CYP2A6: variants seen among roughly 807,000 people sequenced by gnomAD.
The protein encoded by CYP2A6 is cytochrome P450 family 2 subfamily A member 6.
A neutral mutation model predicts 42.3 loss-of-function variants in CYP2A6; 27 were observed. The observed-to-expected ratio is 0.64, with a 90% confidence interval of 0.47 to 0.88. The LOEUF (loss-of-function observed/expected upper bound fraction) is 0.88, where lower values mean the gene tolerates loss of function less well. Ranked by LOEUF, CYP2A6 falls within the 40% of genes least tolerant of loss-of-function variation. CYP2A6 has a pLI of 0.00. For synonymous variants in CYP2A6, 238 were observed against 246.3 expected, an observed-to-expected ratio of 0.97 and a Z score of 0.31; for missense variants, 628 against 646.0, an observed-to-expected ratio of 0.97 and a Z score of 0.30.
rs768731211 is a variant in CYP2A6 at position 40,848,631 on chromosome 19, GC to G, written c.475del (p.Ala159ProfsTer16). The G allele has an allele frequency of 6.2e-7, 1 of 1,611,592 alleles. No homozygotes were observed. The highest frequency in any genetic ancestry group is 1.3e-5 in the African/African-American group (1 of 74,686). ...CTGCTCACCGCCAGTGCCCCGGAGG[GC>G]GTCGATGAGGAAGCCCGCCTCCTCC... Reference protein sequence around the residue: ...IQEEAGFLIDALRGTGGANID... With the variant: ...IQEEAGFLIDXLRGTGGANID... On this transcript the variant is annotated frameshift_variant, in exon 3 of 9. Transcript: ENST00000301141. LOFTEE classifies it high-confidence loss of function.
At chr19:40,848,987 GGAGAGAGA>G (rs1265457431) in intron 2 of CYP2A6, among the ~76,000 whole-genome samples, 1 of 90,044 alleles carries the variant, frequency 1.1e-5, no homozygotes, top group African/African-American at 5.3e-5. Context: ...AAGAGAGAGA[GGAGAGAGA>G]GAGAGAGAGA....
At position 40,848,434 on chromosome 19, in the gene CYP2A6, G is replaced by A. The variant is rs1286644003; in HGVS notation, c.494-55C>T. 12 of 1,606,218 alleles carry A rather than the reference G, an allele frequency of 7.5e-6. No homozygotes were observed. In the African/African-American group the frequency reaches 1.6e-4, roughly 22 times the overall value. ...GGAGAGAGTCAACTCAGAGGTCTGAGGAGAGTCAGAATTCCAGGAGGCAGG... is the reference window on the plus strand; with the variant it reads ...GGAGAGAGTCAACTCAGAGGTCTGAAGAGAGTCAGAATTCCAGGAGGCAGG... On this transcript the variant is annotated intron_variant, in intron 3 of 8. Coordinates refer to ENST00000301141, the MANE Select transcript of CYP2A6 (RefSeq NM_000762.6).
Position 40,846,803 on chromosome 19 carries a change from GC to G in CYP2A6, c.831+71del. 1.2e-5 allele frequency: 19 copies of G among 1,576,078 alleles called. No individual in the cohort carries two copies. In the South Asian group the frequency reaches 2.1e-4, roughly 17 times the overall value. ...TAATTTGAATGGGCCTGTGTCATCT[GC>G]CTGCCCCACTCCCAGACTGATTTCC... On this transcript the variant is annotated intron_variant, in intron 5 of 8. Transcript: ENST00000301141.
intron 6 of CYP2A6, 107 bp from the exon 7 acceptor site, chr19:40,845,588 G>C: frequency 2.6e-6 from 4 of 1,509,810 alleles, no homozygotes; most frequent in Non-Finnish European, 3.6e-6. Flanking sequence ...CCTATGAGAC[G>C]GAAGTAGAGC....
At chr19:40,845,271 T>TGGG in intron 7 of CYP2A6, 23 bp downstream of exon 7, 1 of 1,609,492 alleles carries the variant, frequency 6.2e-7, no homozygotes, top group South Asian at 1.1e-5. Flanking sequence ...CCCCGTAGTC[T>TGGG]GGGGGGTGGG....
At position 40,849,840 on chromosome 19, in the gene CYP2A6, G is replaced by T. The variant is rs764536563; in HGVS notation, c.321C>A (p.Phe107Leu). The T allele has an allele frequency of 7.4e-6, 12 of 1,611,000 alleles. No homozygotes were observed. Among genetic ancestry groups the T allele is most frequent in the Non-Finnish European group, 1.0e-5 (12 of 1,179,742 alleles). The change falls in exon 2 of 9, where the codon TTC (phenylalanine) becomes TTA (leucine). Residue 107 changes from phenylalanine to leucine, a missense_variant. By Grantham distance (22) the Phe-to-Leu change is conservative. This residue lies in a region of CYP2A6 where 606 missense variants were observed against 568.1 expected (regional missense o/e 1.07). Coordinates refer to ENST00000301141, the MANE Select transcript of CYP2A6 (RefSeq NM_000762.6). ...CACCATAGCCTTTGAAGACCCAGTC[G>T]AAGGTGGCTTGCTCGCCTCGCCCGC... ...EFSGRGEQAT[F>L]DWVFKGYGVV... is the part of the protein sequence containing the mutation.
In CYP2A6 at chr19:40,848,250, A is replaced by G. The variant is rs1967134483; in HGVS notation, c.623T>C (p.Ile208Thr). 6.2e-7 allele frequency: 1 copy of G among 1,611,780 alleles called. No individual in the cohort carries two copies. The highest frequency in any genetic ancestry group is 8.5e-7 in the Non-Finnish European group (1 of 1,179,928). ...FLSLLRMMLG[I>T]FQFTSTSTGQ... Reference sequence around the variant, plus strand: ...CGTGGAGGTTGACGTGAACTGGAAGATTCCTAGCATCATGCGCAACAGTGA... The same window carrying G: ...CGTGGAGGTTGACGTGAACTGGAAGGTTCCTAGCATCATGCGCAACAGTGA... Residue 208 changes from isoleucine (I) to threonine (T), a missense_variant, in exon 4 of 9, where the codon ATC becomes ACC. Physicochemically the swap from Ile to Thr is moderately conservative, Grantham distance 89. This residue lies in a region of CYP2A6 where 606 missense variants were observed against 568.1 expected (regional missense o/e 1.07). Coordinates refer to ENST00000301141, the MANE Select transcript of CYP2A6 (RefSeq NM_000762.6).
intron 2 of CYP2A6, 82 bp downstream of exon 2, chr19:40,849,736 C>G: frequency 1.3e-6 from 2 of 1,584,412 alleles, no homozygotes; most frequent in Non-Finnish European, 1.7e-6. Flanking sequence ...CTCCAGTTGG[C>G]AGGAGAGTCA....
rs368498743 is a variant in CYP2A6, at chr19:40,849,755, G to T, written c.343+63C>A. 59 of 1,600,692 alleles carry T rather than the reference G, an allele frequency of 3.7e-5. 2 individuals carry two copies. The highest frequency in any genetic ancestry group is 2.0e-4 in the African/African-American group (15 of 74,536). Reference sequence around the variant, plus strand: ...AGTTGGCAGGAGAGTCAGGGAGAAGGCTGGGAACACTGAGACCTTCGTGTC... The same window carrying T: ...AGTTGGCAGGAGAGTCAGGGAGAAGTCTGGGAACACTGAGACCTTCGTGTC... On this transcript the variant is annotated intron_variant, in intron 2 of 8. Transcript: ENST00000301141.
intron 3 of CYP2A6, 22 bp from the exon 4 acceptor site, chr19:40,848,401 G>T (rs28399443): frequency 1.2e-6 from 2 of 1,611,552 alleles, no homozygotes; most frequent in Non-Finnish European, 1.7e-6. Flanking sequence ...GCGGGAGAAG[G>T]GGGTTGGGGA....
chr19:40,848,583 C>T (rs1967141064), intron 3 of CYP2A6, 31 bp downstream of exon 3: 1 of 1,606,166 alleles, frequency 6.2e-7, no homozygotes, highest in African/African-American at 1.3e-5. Context: ...TTTTCCTTCT[C>T]CTGCCCCCGC....
chr19:40,849,087 A>AGAGAGAGAGACC (rs1568516312), intron 2 of CYP2A6, among the ~76,000 whole-genome samples: 1 of 146,908 alleles, frequency 6.8e-6, no homozygotes, highest in Non-Finnish European at 1.5e-5. Flanking sequence ...AGAGAGAGAG[A>AGAGAGAGAGACC]GACCAGGTTT....
At chr19:40,847,339 C>T (rs1967118386) in intron 4 of CYP2A6, among the ~76,000 whole-genome samples, 1 of 151,444 alleles carries the variant, frequency 6.6e-6, no homozygotes, top group South Asian at 2.1e-4. Context: ...TTCAGATATT[C>T]AAGTGAAGTT....
rs771674194 is a variant in CYP2A6, at chr19:40,848,747, G to T, written c.360C>A (p.Asn120Lys). ...VFKGYGVVFS[N>K]GERAKQLRRF... Reference sequence around the variant, plus strand: ...GCCGGAGCTGCTTGGCGCGCTCCCCGTTGCTGAATACCACGCCTGGGGAGG... The same window carrying T: ...GCCGGAGCTGCTTGGCGCGCTCCCCTTTGCTGAATACCACGCCTGGGGAGG... Residue 120 changes from asparagine to lysine, a missense_variant, in exon 3 of 9, where the codon AAC becomes AAA. By Grantham distance (94) the Asn-to-Lys change is moderately conservative. Around this residue, in one of 2 missense-constraint regions of CYP2A6, gnomAD observed 606 missense variants for 568.1 expected, o/e 1.07. Coordinates refer to ENST00000301141, the MANE Select transcript of CYP2A6 (RefSeq NM_000762.6). 6.2e-7 allele frequency: 1 copy of T among 1,611,514 alleles called. No individual in the cohort carries two copies. The highest frequency in any genetic ancestry group is 1.1e-5 in the South Asian group (1 of 90,880).
At chr19:40,848,440 T>C (rs1311731316) in intron 3 of CYP2A6, 61 bp from the exon 4 acceptor site, 29 of 1,602,062 alleles carry the variant, frequency 1.8e-5, no homozygotes, top group Non-Finnish European at 2.3e-5. Context: ...CTGAGGAGAG[T>C]CAGAATTCCA....
chr19:40,849,049 AG>A (rs1967170440), intron 2 of CYP2A6, among the ~76,000 whole-genome samples: 1 of 107,180 alleles, frequency 9.3e-6, no homozygotes, highest in Non-Finnish European at 2.0e-5. Context: ...GAGAGAGGAG[AG>A]AGAGAGAGAG....
chr19:40,845,535 T>C, intron 6 of CYP2A6, 54 bp from the exon 7 acceptor site: 6 of 1,599,418 alleles, frequency 3.8e-6, no homozygotes, highest in Non-Finnish European at 5.1e-6. Flanking sequence ...GAGCAGGAAA[T>C]GATAGTCCGA....
At position 40,850,320 on chromosome 19, in the gene CYP2A6, C is replaced by A. The variant is rs558145012; in HGVS notation, c.107G>T (p.Gly36Val). Residue 36 changes from glycine (G) to valine (V), a missense_variant, in exon 1 of 9, where the codon GGA (glycine) becomes GTA (valine). Gly to Val is a moderately radical substitution (Grantham distance 109). Around this residue, in one of 2 missense-constraint regions of CYP2A6, gnomAD observed 606 missense variants for 568.1 expected, o/e 1.07. Coordinates refer to ENST00000301141, the MANE Select transcript of CYP2A6 (RefSeq NM_000762.6). Reference protein sequence around the residue: ...QRKSKGKLPPGPTPLPFIGNY... With the variant: ...QRKSKGKLPPVPTPLPFIGNY... ...TCCAATGAAGGGCAATGGGGTGGGT[C>A]CCGGAGGCAGCTTCCCCTTGCTCTT... The A allele has an allele frequency of 2.5e-6, 4 of 1,610,038 alleles. No individual in the cohort carries two copies. Among genetic ancestry groups the A allele is most frequent in the African/African-American group, 2.7e-5 (2 of 74,632 alleles).
rs963982919 is a variant in CYP2A6 at position 40,847,041 on chromosome 19, A to G, written c.665T>C (p.Met222Thr). 1.2e-6 allele frequency: 2 copies of G among 1,611,454 alleles called. No homozygotes were observed. Among genetic ancestry groups the G allele is most frequent in the South Asian group, 1.1e-5 (1 of 90,844 alleles). The change falls in exon 5 of 9, where the codon ATG (methionine) becomes ACG (threonine). Residue 222 changes from methionine to threonine, a missense_variant. Coordinates refer to ENST00000301141, the MANE Select transcript of CYP2A6 (RefSeq NM_000762.6). Reference sequence around the variant, plus strand: ...CAGGTGTTTCATCACCGAAGAGAACATCTCATAGAGCTGGGGTTGCAGAGA... The same window carrying G: ...CAGGTGTTTCATCACCGAAGAGAACGTCTCATAGAGCTGGGGTTGCAGAGA... ...TSTSTGQLYE[M>T]FSSVMKHLPG...
Sources: allele counts gnomAD v4.1 joint callset (sites outside exome capture counted in the v4.1 genomes callset), GRCh38; gene constraint gnomAD v4.1.1; regional missense constraint gnomAD v4.1.1; transcripts MANE v1.5; gene names NCBI Gene and HGNC (gene_info 2026-07-23, HGNC 2026-07-21).